Variants in CIB3 observed in about 807,000 individuals in gnomAD.
CIB3 encodes the protein calcium and integrin binding family member 3, also known as calcium and integrin-binding family member 3.
CIB3 carries 22 observed loss-of-function variants against 23.4 expected under a neutral mutation model. The observed-to-expected ratio is 0.94, with a 90% confidence interval of 0.67 to 1.34. CIB3 has a LOEUF of 1.34. Among genes scored for constraint, CIB3 ranks in the 40% most tolerant of loss-of-function variants. The pLI, the probability that CIB3 is intolerant of heterozygous loss-of-function variation, is 0.00. For synonymous variants in CIB3, 93 were observed against 95.8 expected, an observed-to-expected ratio of 0.97 and a Z score of 0.17; for missense variants, 258 against 247.3, an observed-to-expected ratio of 1.04 and a Z score of -0.29.
chr19:16,164,847 C>T lies in CIB3; in HGVS notation c.413G>A (p.Gly138Glu), dbSNP rs532690999. The T allele has an allele frequency of 8.1e-6, 13 of 1,614,078 alleles. No homozygotes were observed. The highest frequency in any genetic ancestry group is 2.7e-5 in the African/African-American group (2 of 75,016). The change falls in exon 5 of 6, where the codon GGG becomes GAG. Residue 138 changes from glycine (G) to glutamate (E), a missense_variant. Transcript: ENST00000269878. ...LEQTVTKLTR[G>E]GLSAEEVSLV... ...GCTCACCTCCTCGGCACTCAGCCCC[C>T]CCCGCGTCAGTTTGGTCACCGTCTG...
intron 4 of CIB3, among the ~76,000 whole-genome samples, chr19:16,165,694 C>T (rs1157690540): frequency 2.6e-5 from 4 of 152,258 alleles, no homozygotes; most frequent in South Asian, 2.1e-4. Flanking sequence ...CCACCCACCT[C>T]GGTCTCCCAA....
intron 5 of CIB3, among the ~76,000 whole-genome samples, chr19:16,162,073 C>A (rs1022624863): frequency 6.6e-6 from 1 of 151,806 alleles, no homozygotes; most frequent in Non-Finnish European, 1.5e-5. Flanking sequence ...GATGGATATG[C>A]TAATGACCCT....
chr19:16,167,222 CA>C lies in CIB3; in HGVS notation c.346+914del, dbSNP rs144580957. Reference sequence around the variant, plus strand: ...GGGGACAGAGCAAGACTTTGTCTCACAAAAAAAAAACACACACACAAAAAAA... The same window carrying C: ...GGGGACAGAGCAAGACTTTGTCTCACAAAAAAAAACACACACACAAAAAAA... On this transcript the variant is annotated intron_variant, in intron 4 of 5. Transcript: ENST00000269878. Among the ~76,000 whole-genome samples the C allele has an allele frequency of 2.2e-3, 321 of 146,652 alleles. 1 individual carries two copies. The highest frequency in any genetic ancestry group is 0.011 in the Middle Eastern group (3 of 282).
intron 2 of CIB3, among the ~76,000 whole-genome samples, chr19:16,171,549 C>T (rs536832895): frequency 2.1e-4 from 32 of 152,270 alleles, no homozygotes; most frequent in African/African-American, 2.6e-4. Flanking sequence ...AGTTCCCTGT[C>T]GGGGTCCCAT....
chr19:16,170,822 CA>C (rs566726971), intron 2 of CIB3, among the ~76,000 whole-genome samples: 98 of 116,742 alleles, frequency 8.4e-4, no homozygotes, highest in Admixed American at 1.4e-3. Flanking sequence ...GACTCTGTCT[CA>C]AAAAAAAAAA....
At chr19:16,168,456 CT>C (rs1430377094) in intron 3 of CIB3, among the ~76,000 whole-genome samples, 172 bp from the exon 4 acceptor site, 1 of 152,200 alleles carries the variant, frequency 6.6e-6, no homozygotes, top group Non-Finnish European at 1.5e-5. Flanking sequence ...CCCTCCACCC[CT>C]GTGATCTGAG....
rs761152786 is a variant in CIB3, at chr19:16,168,227, T to C, written c.256A>G (p.Met86Val). The C allele has an allele frequency of 3.8e-5, 62 of 1,613,578 alleles. No homozygotes were observed. Among genetic ancestry groups the C allele is most frequent in the Non-Finnish European group, 5.0e-5 (59 of 1,179,902 alleles). ...QVFSEDGDGH[M>V]TLDNFLDMFS... ...ATGTCCAAAAAGTTGTCCAGGGTCA[T>C]GTGGCCATCCCCATCCTCAGAGAAT... The change falls in exon 4 of 6, where the codon ATG becomes GTG. Residue 86 changes from methionine to valine, a missense_variant. Physicochemically the swap from Met to Val is conservative, Grantham distance 21. Transcript: ENST00000269878.
intron 5 of CIB3, among the ~76,000 whole-genome samples, chr19:16,163,971 A>T (rs965945846): frequency 6.6e-5 from 10 of 152,034 alleles, no homozygotes; most frequent in African/African-American, 2.2e-4. Context: ...AAAAATTTTT[A>T]ATGTGTTTAT....
intron 2 of CIB3, among the ~76,000 whole-genome samples, chr19:16,172,909 A>G (rs934360730): frequency 2.6e-5 from 4 of 150,946 alleles, no homozygotes; most frequent in East Asian, 3.9e-4. Context: ...CCATGATTGC[A>G]CCACTGCACT....
chr19:16,169,136 GTTGT>G (rs370592597), intron 3 of CIB3, among the ~76,000 whole-genome samples: 2,084 of 151,884 alleles, frequency 0.014, 66 homozygotes, highest in African/African-American at 0.047. Context: ...TTTTTTGTTT[GTTGT>G]TTGTTTGTTT....
At chr19:16,171,132 G>T (rs567002100) in intron 2 of CIB3, among the ~76,000 whole-genome samples, 1 of 148,214 alleles carries the variant, frequency 6.7e-6, no homozygotes, top group African/African-American at 2.5e-5. Flanking sequence ...AATGAGACTC[G>T]GTCTCAATAA....
chr19:16,171,349 C>G (rs2091327548), intron 2 of CIB3, among the ~76,000 whole-genome samples: 1 of 152,134 alleles, frequency 6.6e-6, no homozygotes, highest in South Asian at 2.1e-4. Flanking sequence ...CAGAAGCCCT[C>G]ACCTGTGACA....
chr19:16,172,373 T>G (rs867647604), intron 2 of CIB3, among the ~76,000 whole-genome samples: 1 of 152,114 alleles, frequency 6.6e-6, no homozygotes, highest in Admixed American at 6.6e-5. Flanking sequence ...CAGGCTGATC[T>G]TAAACTCCTG....
At position 16,164,857 on chromosome 19, in the gene CIB3, G is replaced by T; in HGVS notation, c.403C>A (p.Leu135Met). The T allele has an allele frequency of 6.2e-7, 1 of 1,614,116 alleles. No homozygotes were observed. Among genetic ancestry groups the T allele is most frequent in the Non-Finnish European group, 8.5e-7 (1 of 1,180,026 alleles). ...TCGGCACTCAGCCCCCCCCGCGTCA[G>T]TTTGGTCACCGTCTGCTCCAGGTCC... is the stretch of plus-strand genomic sequence containing the variant. ...AWDLEQTVTK[L>M]TRGGLSAEEV... Residue 135 changes from leucine (L) to methionine (M), a missense_variant, in exon 5 of 6, where the codon CTG becomes ATG. By Grantham distance (15) the Leu-to-Met change is conservative. Coordinates refer to ENST00000269878, the MANE Select transcript of CIB3 (RefSeq NM_054113.4).
chr19:16,164,454 G>A (rs890790655), intron 5 of CIB3, among the ~76,000 whole-genome samples: 1 of 152,106 alleles, frequency 6.6e-6, no homozygotes, highest in Non-Finnish European at 1.5e-5. Flanking sequence ...TCTGTTCACT[G>A]CAAACTGTTC....
chr19:16,171,597 G>A (rs1185736723), intron 2 of CIB3, among the ~76,000 whole-genome samples: 1 of 152,132 alleles, frequency 6.6e-6, no homozygotes, highest in African/African-American at 2.4e-5. Flanking sequence ...GTGTGGCTCT[G>A]AGCATGTTCC....
Position 16,164,715 on chromosome 19 carries a change from C to T in CIB3, c.542+3G>A, listed in dbSNP as rs367640756. 50 of 1,613,126 alleles carry T rather than the reference C, an allele frequency of 3.1e-5. No homozygotes were observed. Among genetic ancestry groups the T allele is most frequent in the African/African-American group, 5.3e-5 (4 of 74,888 alleles). On this transcript the variant is annotated splice_donor_region_variant and intron_variant, in intron 5 of 5. Transcript: ENST00000269878. ...GACTGTGGGCGGTGACGGAGAGCATCACCTGAGGAAGTCTGGTGCCCGGAG... is the reference window on the plus strand; with the variant it reads ...GACTGTGGGCGGTGACGGAGAGCATTACCTGAGGAAGTCTGGTGCCCGGAG...
intron 5 of CIB3, among the ~76,000 whole-genome samples, chr19:16,164,433 C>CAGTTA (rs573165005): frequency 2.3e-3 from 354 of 152,266 alleles, no homozygotes; most frequent in Non-Finnish European, 4.0e-3. Context: ...CTGCCAAGTA[C>CAGTTA]AGTTACACAG....
At chr19:16,166,079 G>A (rs958578458) in intron 4 of CIB3, among the ~76,000 whole-genome samples, 3 of 152,078 alleles carry the variant, frequency 2.0e-5, no homozygotes, top group Admixed American at 6.6e-5. Context: ...ATCACCTAAG[G>A]TCAGGAGTTC....
Sources: allele counts gnomAD v4.1 joint callset (sites outside exome capture counted in the v4.1 genomes callset), GRCh38; gene constraint gnomAD v4.1.1; transcripts MANE v1.5; gene names NCBI Gene and HGNC (gene_info 2026-07-23, HGNC 2026-07-21).